Variants in KIAA1217 observed in about 807,000 individuals in gnomAD.
KIAA1217 encodes KIAA1217.
A neutral mutation model predicts 163.9 loss-of-function variants in KIAA1217; 88 were observed. That is an observed-to-expected ratio of 0.54 (90% CI 0.45 to 0.64). KIAA1217 has a LOEUF of 0.64. KIAA1217 is among the 30% of genes least tolerant of loss of function. The pLI, the probability that KIAA1217 is intolerant of heterozygous loss-of-function variation, is 0.00. For synonymous variants in KIAA1217, 903 were observed against 923.1 expected (o/e 0.98, Z 0.39); for missense variants, 2,372 against 2,475.0 (o/e 0.96, Z 0.88).
chr10:24,068,186 C>T (rs1293106496), intron 2 of KIAA1217, among the ~76,000 whole-genome samples: 1 of 152,202 alleles, frequency 6.6e-6, no homozygotes, highest in Non-Finnish European at 1.5e-5. Context: ...GTGAGATGAA[C>T]CCAGTACCTC....
intron 2 of KIAA1217, among the ~76,000 whole-genome samples, chr10:24,110,183 T>C (rs2062792028): frequency 6.6e-6 from 1 of 152,210 alleles, no homozygotes. Flanking sequence ...GTTGGTAAAT[T>C]AGTTCATCTC....
chr10:24,404,424 A>G (rs914307564), intron 3 of KIAA1217, among the ~76,000 whole-genome samples: 1 of 152,040 alleles, frequency 6.6e-6, no homozygotes, highest in Non-Finnish European at 1.5e-5. Flanking sequence ...AAAATCAGCC[A>G]GGCATGGTGG....
chr10:24,193,105 G>T (rs1382528804), intron 2 of KIAA1217, among the ~76,000 whole-genome samples: 2 of 152,108 alleles, frequency 1.3e-5, no homozygotes, highest in East Asian at 3.9e-4. Context: ...TTTTTTGAGA[G>T]ACGGGGTCTT....
intron 1 of KIAA1217, among the ~76,000 whole-genome samples, chr10:23,946,153 T>C (rs1339729462): frequency 6.6e-6 from 1 of 152,038 alleles, no homozygotes; most frequent in Non-Finnish European, 1.5e-5. Context: ...ATTTTTACCA[T>C]ATCCAGTTTA....
chr10:24,279,849 C>T (rs756985272), intron 2 of KIAA1217, among the ~76,000 whole-genome samples: 5 of 152,112 alleles, frequency 3.3e-5, no homozygotes, highest in Admixed American at 6.5e-5. Context: ...AAAAAATAGT[C>T]GTTAAGAGGG....
At chr10:24,506,942 A>G (rs2134112056) in intron 9 of KIAA1217, among the ~76,000 whole-genome samples, 1 of 152,368 alleles carries the variant, frequency 6.6e-6, no homozygotes, top group African/African-American at 2.4e-5. Context: ...TGTGAAAGCA[A>G]CCGCTAAGCC....
intron 12 of KIAA1217, among the ~76,000 whole-genome samples, chr10:24,523,948 CAG>C (rs1200166304): frequency 7.9e-5 from 12 of 152,220 alleles, no homozygotes; most frequent in African/African-American, 2.6e-4. Flanking sequence ...GAAGAGCAAA[CAG>C]AAGGAATTAG....
intron 2 of KIAA1217, among the ~76,000 whole-genome samples, chr10:24,062,047 G>A (rs758544007): frequency 6.5e-4 from 99 of 151,998 alleles, no homozygotes; most frequent in Non-Finnish European, 1.3e-3. Context: ...AATTTCAGAT[G>A]ACTTGGCTTT....
chr10:24,017,050 T>TGG (rs1847513272), intron 2 of KIAA1217, among the ~76,000 whole-genome samples: 1 of 150,472 alleles, frequency 6.6e-6, no homozygotes, highest in Non-Finnish European at 1.5e-5. Context: ...GTTTTTTTTT[T>TGG]TTTTTTTTGA....
intron 2 of KIAA1217, among the ~76,000 whole-genome samples, chr10:24,203,246 C>T (rs1457748683): frequency 2.0e-5 from 3 of 151,740 alleles, no homozygotes; most frequent in African/African-American, 7.2e-5. Flanking sequence ...TCATTTCCAT[C>T]TAGCAAAATA....
intron 1 of KIAA1217, among the ~76,000 whole-genome samples, chr10:23,706,907 T>A (rs1836922666): frequency 1.3e-5 from 2 of 152,134 alleles, no homozygotes; most frequent in African/African-American, 2.4e-5. Flanking sequence ...GATTCTATAG[T>A]GGGCCAAAGA....
chr10:24,488,277 G>A (rs1310135037), intron 6 of KIAA1217, among the ~76,000 whole-genome samples: 1 of 152,156 alleles, frequency 6.6e-6, no homozygotes, highest in Non-Finnish European at 1.5e-5. Context: ...GATGGCAGCT[G>A]GGGTATGGTG....
chr10:24,416,626 G>A (rs1230753293), intron 3 of KIAA1217, among the ~76,000 whole-genome samples: 1 of 152,174 alleles, frequency 6.6e-6, no homozygotes, highest in African/African-American at 2.4e-5. Flanking sequence ...CACGATGACC[G>A]AGGATGCCAG....
At chr10:24,127,591 T>G (rs1333248107) in intron 2 of KIAA1217, among the ~76,000 whole-genome samples, 1 of 152,106 alleles carries the variant, frequency 6.6e-6, no homozygotes, top group East Asian at 1.9e-4. Context: ...AGTCCAAGAT[T>G]TTCACAATGC....
chr10:24,180,280 C>CTTTTTT (rs34268461), intron 2 of KIAA1217, among the ~76,000 whole-genome samples: 4 of 83,154 alleles, frequency 4.8e-5, no homozygotes, highest in Non-Finnish European at 4.6e-5. Flanking sequence ...CCTCAACCTT[C>CTTTTTT]TTTTTTTTTT....
intron 13 of KIAA1217, 55 bp downstream of exon 13, chr10:24,524,819 C>T: frequency 7.1e-7 from 1 of 1,417,736 alleles, no homozygotes; most frequent in Admixed American, 2.2e-5. Context: ...ATACATGGAC[C>T]TTTCCCTTAA....
At chr10:23,719,607 TAAAAA>T (rs1564364272) in intron 1 of KIAA1217, among the ~76,000 whole-genome samples, 1 of 150,404 alleles carries the variant, frequency 6.6e-6, no homozygotes, top group African/African-American at 2.5e-5. Context: ...AATAAATAAA[TAAAAA>T]GGAAGAAAAA....
intron 2 of KIAA1217, among the ~76,000 whole-genome samples, chr10:24,167,582 A>T (rs1346414791): frequency 1.3e-5 from 2 of 152,126 alleles, no homozygotes; most frequent in Non-Finnish European, 2.9e-5. Flanking sequence ...TCTGAGAGCT[A>T]AGTGTTTTTC....
chr10:23,810,556 AGTATATATAGTATAAT>A (rs1219336537), intron 1 of KIAA1217, among the ~76,000 whole-genome samples: 3 of 134,686 alleles, frequency 2.2e-5, no homozygotes, highest in African/African-American at 8.3e-5. Context: ...ATCTATATAT[AGTATATATAGTATAAT>A]CTATATATAA....
Sources: gnomAD v4.1 joint callset for allele counts (sites outside exome capture counted in the v4.1 genomes callset) on GRCh38, gnomAD v4.1.1 for gene constraint, MANE v1.5 for transcripts, NCBI Gene and HGNC (gene_info 2026-07-23, HGNC 2026-07-21) for gene names.